SYNE3: variants seen among roughly 807,000 people sequenced by gnomAD.
SYNE3 encodes nesprin-3.
SYNE3 carries 100 observed loss-of-function variants against 111.2 expected under a neutral mutation model. That is an observed-to-expected ratio of 0.90 (90% confidence interval 0.77 to 1.06). SYNE3 has a LOEUF of 1.06. Ranked by LOEUF, SYNE3 falls within the 50% of genes least tolerant of loss-of-function variation. The pLI is 0.00. For missense variants in SYNE3, 1,160 were observed against 1,240.3 expected (o/e 0.94, Z 0.97); for synonymous variants, 547 against 533.9 (o/e 1.02, Z -0.34).
intron 17 of SYNE3, among the ~76,000 whole-genome samples, chr14:95,422,552 G>A (rs1204895153): frequency 6.6e-6 from 1 of 152,236 alleles, no homozygotes; most frequent in Admixed American, 6.5e-5. Context: ...ACCGGGATCT[G>A]TGGAGGATGG....
chr14:95,474,379 C>T (rs1008258422), intron 2 of SYNE3, among the ~76,000 whole-genome samples: 1 of 152,194 alleles, frequency 6.6e-6, no homozygotes, highest in African/African-American at 2.4e-5. Context: ...ATACGTGTCT[C>T]CATGAGGCTG....
intron 11 of SYNE3, 65 bp downstream of exon 11, chr14:95,443,090 C>T (rs1886495390): frequency 1.3e-6 from 2 of 1,594,208 alleles, no homozygotes; most frequent in South Asian, 1.1e-5. Flanking sequence ...AGAAAGGCCC[C>T]AGGCGTGTTG....
chr14:95,512,553 C>CA (rs35591704), intron 1 of SYNE3, among the ~76,000 whole-genome samples: 4 of 146,106 alleles, frequency 2.7e-5, no homozygotes, highest in African/African-American at 1.0e-4. Context: ...GACTCTGTCT[C>CA]AAAAAAATAA....
intron 16 of SYNE3, among the ~76,000 whole-genome samples, chr14:95,432,349 C>T (rs989503143): frequency 2.0e-5 from 3 of 152,174 alleles, no homozygotes; most frequent in Non-Finnish European, 4.4e-5. Flanking sequence ...CCAAGGCCGG[C>T]GGGGGCCATG....
At chr14:95,466,309 T>C in intron 3 of SYNE3, 69 bp from the exon 4 acceptor site, 2 of 1,491,082 alleles carry the variant, frequency 1.3e-6, no homozygotes, top group Non-Finnish European at 1.8e-6. Flanking sequence ...GGGTCTGTGC[T>C]GTCACCCCCT....
At chr14:95,466,370 CCT>C in intron 3 of SYNE3, 130 bp from the exon 4 acceptor site, 3 of 1,072,564 alleles carry the variant, frequency 2.8e-6, no homozygotes, top group South Asian at 3.5e-5. Flanking sequence ...CCCTTTCTGG[CCT>C]CTGAGTCACC....
Position 95,509,395 on chromosome 14 carries a change from C to T in SYNE3, c.-15+7201G>A, listed in dbSNP as rs568772616. 2.3e-3 allele frequency among the ~76,000 whole-genome samples: 354 copies of T among 152,228 alleles called. 3 individuals are homozygous for T. The highest frequency in any genetic ancestry group is 3.8e-3 in the Non-Finnish European group (260 of 68,012). ...GTGGGACCTAATCCTCAGAGCAAGGCGGATAAGCAGGGAGTCACCTACCAG... is the reference window on the plus strand; with the variant it reads ...GTGGGACCTAATCCTCAGAGCAAGGTGGATAAGCAGGGAGTCACCTACCAG... On this transcript the variant is annotated intron_variant, in intron 1 of 17. Transcript: ENST00000682763.
chr14:95,449,550 C>G, intron 8 of SYNE3: 51 of 985,428 alleles, frequency 5.2e-5, no homozygotes, highest in Non-Finnish European at 6.0e-5. Flanking sequence ...GGCCTGGCAC[C>G]CTGGACTGCC....
intron 16 of SYNE3, among the ~76,000 whole-genome samples, chr14:95,432,627 G>C (rs1480618322): frequency 2.1e-5 from 3 of 144,384 alleles, no homozygotes; most frequent in African/African-American, 7.8e-5. Flanking sequence ...ATCATTACTA[G>C]TTTTGCTATT....
intron 13 of SYNE3, among the ~76,000 whole-genome samples, 193 bp from the exon 14 acceptor site, chr14:95,439,355 G>A (rs554275907): frequency 2.0e-5 from 3 of 152,362 alleles, no homozygotes; most frequent in Non-Finnish European, 2.9e-5. Flanking sequence ...ATGAACGTGC[G>A]TACGCCCATA....
At chr14:95,438,800 A>G (rs1886240947) in intron 14 of SYNE3, 1 of 512,458 alleles carries the variant, frequency 2.0e-6, no homozygotes, top group East Asian at 3.3e-5. Context: ...GGATACCCCT[A>G]CTGCCCTGGT....
chr14:95,450,220 C>T (rs998573241), intron 7 of SYNE3, 115 bp from the exon 8 acceptor site: 6 of 1,271,880 alleles, frequency 4.7e-6, no homozygotes, highest in Non-Finnish European at 6.4e-6. Flanking sequence ...CCAGGGTGGG[C>T]CTTCTCCTGT....
In SYNE3 at chr14:95,452,376, C is replaced by G; in HGVS notation, c.1145G>C (p.Arg382Pro). 6.2e-7 allele frequency: 1 copy of G among 1,608,766 alleles called. No homozygotes were observed. The highest frequency in any genetic ancestry group is 8.5e-7 in the Non-Finnish European group (1 of 1,178,192). ...VAHWRRYSAT[R>P]AALASEEPRV... ...GGGCTCCTCCGAGGCCAGCGCCGCCCGTGTTGCCTGCAGCACATGACGACA... is the reference window on the plus strand; with the variant it reads ...GGGCTCCTCCGAGGCCAGCGCCGCCGGTGTTGCCTGCAGCACATGACGACA... Residue 382 changes from arginine to proline, a missense_variant, in exon 7 of 18, where the codon CGG becomes CCG. Arg to Pro is a moderately radical substitution (Grantham distance 103). Transcript: ENST00000682763.
intron 1 of SYNE3, among the ~76,000 whole-genome samples, chr14:95,508,902 G>A (rs1318644901): frequency 6.6e-6 from 1 of 152,192 alleles, no homozygotes; most frequent in Admixed American, 6.5e-5. Flanking sequence ...TTTTTCCTGT[G>A]TCCTGGAAAT....
At position 95,466,257 on chromosome 14, in the gene SYNE3, C is replaced by T. The variant is rs1471009330; in HGVS notation, c.318-17G>A. ...TCGATGCGGCTGTGGGCACAGAGAC[C>T]TCAAGGTTGTGAGGGAACCAGCCAC... On this transcript the variant is annotated splice_polypyrimidine_tract_variant and intron_variant, in intron 3 of 17. Coordinates refer to ENST00000682763, the MANE Select transcript of SYNE3 (RefSeq NM_152592.6). The T allele has an allele frequency of 6.5e-7, 1 of 1,544,016 alleles. No homozygotes were observed. The highest frequency in any genetic ancestry group is 1.2e-5 in the South Asian group (1 of 82,020).
At position 95,443,094 on chromosome 14, in the gene SYNE3, C is replaced by T. The variant is rs568221365; in HGVS notation, c.1911+61G>A. 108 of 1,598,890 alleles carry T rather than the reference C, an allele frequency of 6.8e-5. 1 individual carries two copies. The highest frequency in any genetic ancestry group is 4.7e-4 in the African/African-American group (35 of 74,516). Reference sequence around the variant, plus strand: ...AGGAAAGGGGAAGAAAGGCCCCAGGCGTGTTGGATGACAGGGGCCGGCTCT... The same window carrying T: ...AGGAAAGGGGAAGAAAGGCCCCAGGTGTGTTGGATGACAGGGGCCGGCTCT... On this transcript the variant is annotated intron_variant, in intron 11 of 17. Transcript: ENST00000682763.
chr14:95,470,243 T>C lies in SYNE3; in HGVS notation c.145-2276A>G, dbSNP rs889394280. On this transcript the variant is annotated intron_variant, in intron 2 of 17. Coordinates refer to ENST00000682763, the MANE Select transcript of SYNE3 (RefSeq NM_152592.6). This position sits in a 1 kb window ranked among gnomAD's most constrained non-coding sequence, Gnocchi z 4.2. The stretch of plus-strand genomic sequence containing the variant: ...GAATGTTCTAGACTGAATACGATTA[T>C]CCACCCAGGATGTTTCACACCACCC... 2.0e-5 allele frequency among the ~76,000 whole-genome samples: 3 copies of C among 152,128 alleles called. No homozygotes were observed. Among genetic ancestry groups the C allele is most frequent in the South Asian group, 4.1e-4 (2 of 4,824 alleles).
rs555751638 is a variant in SYNE3, at chr14:95,434,086, G to A, written c.2539-677C>T. Among the ~76,000 whole-genome samples, 22 of 152,154 alleles carry A rather than the reference G, an allele frequency of 1.4e-4. 1 individual carries two copies. In the South Asian group the frequency reaches 4.6e-3, roughly 32 times the overall value. ...CTGGAGTTGGGTGGTGGTGCGGTGG[G>A]GGGAATGAGAGGAGTAGCCAGATAT... On this transcript the variant is annotated intron_variant, in intron 15 of 17. Coordinates refer to ENST00000682763, the MANE Select transcript of SYNE3 (RefSeq NM_152592.6).
At chr14:95,479,489 TC>T (rs1238639222) in intron 1 of SYNE3, among the ~76,000 whole-genome samples, 2 of 152,102 alleles carry the variant, frequency 1.3e-5, no homozygotes, top group Non-Finnish European at 2.9e-5. Context: ...GGAACCTGCA[TC>T]CAGACAGCAG....
Sources: gnomAD v4.1 joint callset for allele counts (sites outside exome capture counted in the v4.1 genomes callset) on GRCh38, gnomAD v4.1.1 for gene constraint, Gnocchi (gnomAD v3.1) non-coding constraint, MANE v1.5 for transcripts, NCBI Gene and HGNC (gene_info 2026-07-23, HGNC 2026-07-21) for gene names.